ULK4: variants seen among roughly 807,000 people sequenced by gnomAD.
ULK4 encodes the protein inactive serine/threonine-protein kinase ULK4.
A neutral mutation model predicts 160.6 loss-of-function variants in ULK4; 133 were observed. The observed-to-expected ratio is 0.83, with a 90% confidence interval of 0.72 to 0.96. ULK4 has a LOEUF of 0.96. ULK4 is among the 40% of genes least tolerant of loss of function. The pLI is 0.00. For missense variants in ULK4, 1,580 were observed against 1,499.5 expected (o/e 1.05, Z -0.89); for synonymous variants, 534 against 539.8 (o/e 0.99, Z 0.15).
chr3:41,949,170 G>T (rs530395196), intron 2 of ULK4, among the ~76,000 whole-genome samples: 3 of 151,890 alleles, frequency 2.0e-5, no homozygotes, highest in Non-Finnish European at 2.9e-5. Flanking sequence ...TTAGCCAGGC[G>T]TGGTGGCAGG....
At chr3:41,735,540 T>A (rs2038001617) in intron 22 of ULK4, among the ~76,000 whole-genome samples, 1 of 152,076 alleles carries the variant, frequency 6.6e-6, no homozygotes, top group Non-Finnish European at 1.5e-5. Context: ...AGTATATTAC[T>A]GGAATAACAT....
chr3:41,311,258 G>A (rs2080042857), intron 35 of ULK4, among the ~76,000 whole-genome samples: 1 of 152,180 alleles, frequency 6.6e-6, no homozygotes, highest in Admixed American at 6.5e-5. Flanking sequence ...GTCCGTGAGG[G>A]CGTTGCCAAA....
Position 41,851,139 on chromosome 3 carries a change from G to A in ULK4, c.1657-15168C>T, listed in dbSNP as rs148197778. On this transcript the variant is annotated intron_variant, in intron 17 of 36. Coordinates refer to ENST00000301831, the MANE Select transcript of ULK4 (RefSeq NM_017886.4). ...TTGAATAGGAGTGGTGAGAGAGGGC[G>A]TCCCTGTCTTGTGCCAGTTTTCAAA... Among the ~76,000 whole-genome samples, 1,301 of 152,144 alleles carry A rather than the reference G, an allele frequency of 8.6e-3. 13 individuals are homozygous for A. Among genetic ancestry groups the A allele is most frequent in the African/African-American group, 0.027 (1,112 of 41,512 alleles).
At chr3:41,953,615 C>T (rs779220018) in intron 2 of ULK4, among the ~76,000 whole-genome samples, 5 of 152,118 alleles carry the variant, frequency 3.3e-5, no homozygotes, top group African/African-American at 7.2e-5. Context: ...AAGAAGCCTA[C>T]GCTATAAAGT....
intron 32 of ULK4, among the ~76,000 whole-genome samples, chr3:41,467,389 A>G (rs1163191126): frequency 6.6e-6 from 1 of 151,984 alleles, no homozygotes; most frequent in African/African-American, 2.4e-5. Context: ...TTAGCTGGGC[A>G]TGGTGGCACA....
intron 21 of ULK4, among the ~76,000 whole-genome samples, chr3:41,784,527 T>C (rs1403122407): frequency 1.3e-5 from 2 of 152,210 alleles, no homozygotes; most frequent in Non-Finnish European, 2.9e-5. Flanking sequence ...CTCATTGTGG[T>C]TGTGATTGTT....
intron 35 of ULK4, among the ~76,000 whole-genome samples, chr3:41,317,328 G>A (rs2080164863): frequency 6.6e-6 from 1 of 152,080 alleles, no homozygotes; most frequent in African/African-American, 2.4e-5. Context: ...ACCTGCCTCG[G>A]CCTCCCAAAG....
At chr3:41,571,480 G>A (rs1233360084) in intron 31 of ULK4, among the ~76,000 whole-genome samples, 1 of 152,150 alleles carries the variant, frequency 6.6e-6, no homozygotes, top group Non-Finnish European at 1.5e-5. Context: ...TAGCTTACGG[G>A]GGTAAACTGT....
chr3:41,505,450 C>T (rs1250676026), intron 32 of ULK4, among the ~76,000 whole-genome samples: 1 of 152,090 alleles, frequency 6.6e-6, no homozygotes, highest in Non-Finnish European at 1.5e-5. Context: ...CTATGAACAT[C>T]CTAATGTTCA....
chr3:41,789,490 T>C (rs1315008890), intron 21 of ULK4, among the ~76,000 whole-genome samples, 171 bp downstream of exon 21: 19 of 152,188 alleles, frequency 1.2e-4, no homozygotes. Flanking sequence ...ACTAAAAGGC[T>C]CTTGGAACAT....
Position 41,407,251 on chromosome 3 carries a change from T to C in ULK4, c.3493-8987A>G, listed in dbSNP as rs118046373. Among the ~76,000 whole-genome samples, 367 of 152,282 alleles carry C rather than the reference T, an allele frequency of 2.4e-3. 2 individuals are homozygous for C. The highest frequency in any genetic ancestry group is 0.015 in the East Asian group (78 of 5,188). On this transcript the variant is annotated intron_variant, in intron 34 of 36. Transcript: ENST00000301831. ...ACAACAAACATACTCCAGAGCCAGATGACTTTACTGGTGAATTCTACCAAA... is the reference window on the plus strand; with the variant it reads ...ACAACAAACATACTCCAGAGCCAGACGACTTTACTGGTGAATTCTACCAAA...
At chr3:41,961,612 C>T (rs922399896) in intron 1 of ULK4, among the ~76,000 whole-genome samples, 20 of 148,980 alleles carry the variant, frequency 1.3e-4, no homozygotes, top group African/African-American at 5.0e-4. Context: ...GCGGCTTTCG[C>T]GGCCTCGCTA....
At chr3:41,831,554 T>G (rs923744576) in intron 18 of ULK4, among the ~76,000 whole-genome samples, 5 of 151,194 alleles carry the variant, frequency 3.3e-5, no homozygotes, top group Non-Finnish European at 7.4e-5. Flanking sequence ...TCTTAAACTT[T>G]AGGTTCTAGG....
intron 34 of ULK4, among the ~76,000 whole-genome samples, chr3:41,444,640 T>C (rs1340435287): frequency 1.3e-5 from 2 of 152,108 alleles, no homozygotes; most frequent in Non-Finnish European, 2.9e-5. Context: ...AACTTAACCA[T>C]TAATTATGCA....
At chr3:41,453,014 T>C (rs1466803809) in intron 34 of ULK4, among the ~76,000 whole-genome samples, 6 of 152,130 alleles carry the variant, frequency 3.9e-5, no homozygotes. Flanking sequence ...AGCTCTCTTG[T>C]ATTTTTATCC....
Position 41,429,476 on chromosome 3 carries a change from AT to A in ULK4, c.3492+26020del, listed in dbSNP as rs532470264. Among the ~76,000 whole-genome samples, 325 of 152,334 alleles carry A rather than the reference AT, an allele frequency of 2.1e-3. 2 individuals are homozygous for A. The highest frequency in any genetic ancestry group is 0.02 in the South Asian group (96 of 4,820). On this transcript the variant is annotated intron_variant, in intron 34 of 36. Transcript: ENST00000301831. ...TGTATTCACTGCAGCACTATTCACA[AT>A]AGCAAAGACATGGAATCAACACAAA...
intron 17 of ULK4, chr3:41,859,327 C>T (rs1163745229): frequency 3.4e-6 from 2 of 590,270 alleles, no homozygotes; most frequent in East Asian, 4.3e-5. Context: ...AAAGACTGAG[C>T]ACTGTAGAGC....
intron 35 of ULK4, among the ~76,000 whole-genome samples, chr3:41,373,621 G>A (rs2081418609): frequency 6.6e-6 from 1 of 152,122 alleles, no homozygotes; most frequent in Non-Finnish European, 1.5e-5. Context: ...AGAATCTCTG[G>A]GACACTGCTA....
chr3:41,922,572 G>A (rs1184305802), intron 5 of ULK4, among the ~76,000 whole-genome samples: 1 of 151,122 alleles, frequency 6.6e-6, no homozygotes, highest in Admixed American at 6.6e-5. Flanking sequence ...CGTGAAGACA[G>A]GGTGTTGCTG....
Sources: allele counts gnomAD v4.1 joint callset (sites outside exome capture counted in the v4.1 genomes callset), GRCh38; gene constraint gnomAD v4.1.1; transcripts MANE v1.5; gene names NCBI Gene and HGNC (gene_info 2026-07-23, HGNC 2026-07-21).